Variants in ZNF410 observed in about 807,000 individuals in gnomAD.
ZNF410 encodes the protein another partner for ARF 1.
Under a neutral mutation model 54.8 loss-of-function variants are expected in ZNF410, and 18 were observed. The ratio of observed to expected loss-of-function variants is 0.33; its 90% CI spans 0.23 to 0.49. The LOEUF is 0.49. ZNF410 is among the 20% of genes least tolerant of loss of function. The probability of loss-of-function intolerance (pLI) is 0.99; values close to 1 mark genes in which losing one functional copy is unlikely to be tolerated. For missense variants in ZNF410, 405 were observed against 569.6 expected, an observed-to-expected ratio of 0.71 and a Z score of 2.94; for synonymous variants, 191 against 207.3, an observed-to-expected ratio of 0.92 and a Z score of 0.68.
intron 8 of ZNF410, among the ~76,000 whole-genome samples, chr14:73,917,068 T>G (rs1000817371): frequency 6.6e-6 from 1 of 152,258 alleles, no homozygotes; most frequent in Non-Finnish European, 1.5e-5. Context: ...AGAAAATAAT[T>G]GGTTCATGTT....
At chr14:73,912,845 G>A (rs928834752) in intron 8 of ZNF410, among the ~76,000 whole-genome samples, 14 of 151,238 alleles carry the variant, frequency 9.3e-5, no homozygotes, top group African/African-American at 3.4e-4. Flanking sequence ...TGCAACCTTG[G>A]TAAATGCTTG....
At chr14:73,895,343 T>A (rs773764658) in intron 3 of ZNF410, 1 of 152,196 alleles carries the variant, frequency 6.6e-6, no homozygotes, top group Non-Finnish European at 1.5e-5. Flanking sequence ...ACAGCCATTA[T>A]GGAAACCGTA....
intron 11 of ZNF410, chr14:73,927,032 T>C (rs2055843612): frequency 6.5e-6 from 1 of 154,838 alleles, no homozygotes; most frequent in African/African-American, 2.4e-5. Context: ...CTATTTTTCA[T>C]TAAGGCCTGC....
At chr14:73,925,227 G>A (rs1218318425) in intron 11 of ZNF410, among the ~76,000 whole-genome samples, 1 of 152,046 alleles carries the variant, frequency 6.6e-6, no homozygotes, top group Admixed American at 6.6e-5. Flanking sequence ...ACTTTTTCTG[G>A]TAACTGCTTT....
At chr14:73,894,218 A>T (rs571562033) in intron 3 of ZNF410, 15 of 652,800 alleles carry the variant, frequency 2.3e-5, no homozygotes, top group Non-Finnish European at 3.6e-5. Context: ...CTTGTAAAGG[A>T]GGGAAGAAAC....
intron 11 of ZNF410, among the ~76,000 whole-genome samples, chr14:73,931,092 A>T (rs574548111): frequency 1.3e-5 from 2 of 152,256 alleles, no homozygotes; most frequent in South Asian, 4.1e-4. Context: ...TATAGTACTT[A>T]TAAAGGAACA....
At position 73,896,413 on chromosome 14, in the gene ZNF410, G is replaced by C. The variant is rs77921993; in HGVS notation, c.267G>C (p.Thr89=). Residue 89 remains threonine (T), a synonymous_variant, in exon 4 of 12, where the codon ACG becomes ACC. Transcript: ENST00000555044. ...ATGTGGGTCCAGACGGAGAGGAGAC[G>C]AGAGCTCAGACTGTACAGAAATCCC... is the stretch of plus-strand genomic sequence containing the variant. ...RVNVGPDGEE[T]RAQTVQKSPE... The C allele has an allele frequency of 9.3e-6, 15 of 1,614,178 alleles. No individual in the cohort carries two copies. The highest frequency in any genetic ancestry group is 3.3e-5 in the Admixed American group (2 of 60,018).
chr14:73,905,409 C>T (rs1317207476), intron 7 of ZNF410: 2 of 201,456 alleles, frequency 9.9e-6, no homozygotes, highest in Non-Finnish European at 2.0e-5. Context: ...GAACACTGCG[C>T]AGTTATGATT....
chr14:73,889,278 A>G (rs920132423), intron 1 of ZNF410, among the ~76,000 whole-genome samples: 1 of 151,988 alleles, frequency 6.6e-6, no homozygotes, highest in African/African-American at 2.4e-5. Context: ...GGGCTAAAGC[A>G]ATCCTCCTAC....
At chr14:73,927,214 T>A in intron 11 of ZNF410, 1 of 238,218 alleles carries the variant, frequency 4.2e-6, no homozygotes. Context: ...GCCTCCTGAG[T>A]AGCTGGGACC....
chr14:73,894,852 G>A (rs2140296415), intron 3 of ZNF410, among the ~76,000 whole-genome samples: 1 of 152,272 alleles, frequency 6.6e-6, no homozygotes, highest in Middle Eastern at 3.4e-3. Context: ...ATGCTAAGGG[G>A]AAAGAACCAG....
In ZNF410 at chr14:73,896,439, C is replaced by G; in HGVS notation, c.293C>G (p.Pro98Arg). ...AGAGCTCAGACTGTACAGAAATCCC[C>G]GGAGTTTTTGTCCACTTCAGAGTCT... is the stretch of plus-strand genomic sequence containing the variant. The part of the protein sequence containing the change: ...ETRAQTVQKS[P>R]EFLSTSESSS... Residue 98 changes from proline to arginine, a missense_variant, in exon 4 of 12, where the codon CCG becomes CGG. Physicochemically the swap from Pro to Arg is moderately radical, Grantham distance 103. Around this residue, in one of 3 missense-constraint regions of ZNF410, gnomAD observed 247 missense variants for 342.8 expected, o/e 0.72. Transcript: ENST00000555044. 1.2e-6 allele frequency: 2 copies of G among 1,614,184 alleles called. No individual in the cohort carries two copies. Among genetic ancestry groups the G allele is most frequent in the African/African-American group, 2.7e-5 (2 of 75,054 alleles).
At position 73,908,080 on chromosome 14, in the gene ZNF410, C is replaced by T. The variant is rs2055519499; in HGVS notation, c.914-1261C>T. Among the ~76,000 whole-genome samples, 7 of 152,214 alleles carry T rather than the reference C, an allele frequency of 4.6e-5. No homozygotes were observed. The South Asian group carries it at 1.5e-3, about 32-fold the overall frequency. On this transcript the variant is annotated intron_variant, in intron 7 of 11. Transcript: ENST00000555044. ...AGAGAGATTAAACACCTTCCCCATG[C>T]AAATAAGTGGTAGTGCCAGGATCTG...
chr14:73,912,117 T>A (rs2055588856), intron 8 of ZNF410, among the ~76,000 whole-genome samples: 1 of 151,958 alleles, frequency 6.6e-6, no homozygotes, highest in African/African-American at 2.4e-5. Flanking sequence ...GATCCATGGG[T>A]TCAGCTGGCC....
At chr14:73,905,132 C>A in intron 7 of ZNF410, 49 bp downstream of exon 7, 1 of 1,569,312 alleles carries the variant, frequency 6.4e-7, no homozygotes, top group South Asian at 1.2e-5. Context: ...CTTGGCTCTG[C>A]ATGTTTGCCT....
intron 7 of ZNF410, among the ~76,000 whole-genome samples, chr14:73,907,590 A>G (rs928195511): frequency 1.3e-5 from 2 of 150,348 alleles, no homozygotes; most frequent in Non-Finnish European, 3.0e-5. Flanking sequence ...GCGAGACTCC[A>G]TCTCAAAAAA....
chr14:73,929,077 A>T (rs2055874694), intron 11 of ZNF410, among the ~76,000 whole-genome samples: 1 of 152,216 alleles, frequency 6.6e-6, no homozygotes, highest in Non-Finnish European at 1.5e-5. Context: ...GTAGCTCAAA[A>T]TCCTGCACTG....
chr14:73,911,970 C>G (rs1406214691), intron 8 of ZNF410, among the ~76,000 whole-genome samples: 2 of 152,082 alleles, frequency 1.3e-5, no homozygotes, highest in South Asian at 2.1e-4. Context: ...ACTTGTTTCT[C>G]TACGTTTCCT....
At chr14:73,895,954 T>A (rs1380059854) in intron 3 of ZNF410, among the ~76,000 whole-genome samples, 1 of 152,204 alleles carries the variant, frequency 6.6e-6, no homozygotes, top group Non-Finnish European at 1.5e-5. Context: ...AAAAATAAAA[T>A]GTAGATCCTA....
Sources: allele counts gnomAD v4.1 joint callset (sites outside exome capture counted in the v4.1 genomes callset), GRCh38; gene constraint gnomAD v4.1.1; regional missense constraint gnomAD v4.1.1; transcripts MANE v1.5; gene names NCBI Gene and HGNC (gene_info 2026-07-23, HGNC 2026-07-21).